The following NRP1 variants were observed in gnomAD, a reference collection of about 807,000 sequenced individuals.
The protein encoded by NRP1 is neuropilin-1.
In NRP1, 35 loss-of-function variants were observed where a neutral mutation model predicts 106.7. The ratio of observed to expected loss-of-function variants is 0.33; its 90% CI spans 0.25 to 0.43. NRP1 has a LOEUF of 0.43. Ranked by LOEUF, NRP1 falls within the 20% of genes least tolerant of loss-of-function variation. The pLI, the probability that NRP1 is intolerant of heterozygous loss-of-function variation, is 1.00. For synonymous variants in NRP1, 437 were observed against 417.9 expected (o/e 1.05, Z -0.56); for missense variants, 1,024 against 1,170.4 (o/e 0.87, Z 1.83).
chr10:33,331,886 T>C (rs1451172773), intron 1 of NRP1, among the ~76,000 whole-genome samples: 1 of 152,198 alleles, frequency 6.6e-6, no homozygotes, highest in African/African-American at 2.4e-5. Flanking sequence ...GCATAAACTA[T>C]ATAAGAGAAA....
At chr10:33,204,842 C>T (rs977985442) in intron 10 of NRP1, among the ~76,000 whole-genome samples, 1 of 152,134 alleles carries the variant, frequency 6.6e-6, no homozygotes, top group African/African-American at 2.4e-5. Context: ...AGAGATTCTC[C>T]TGCCTCAGCC....
intron 8 of NRP1, among the ~76,000 whole-genome samples, chr10:33,216,124 C>T (rs907209764): frequency 1.3e-5 from 2 of 150,332 alleles, no homozygotes; most frequent in African/African-American, 4.9e-5. Context: ...TCTGCATTTC[C>T]CTTCTTTCTT....
At chr10:33,187,060 A>G (rs776088985) in intron 13 of NRP1, among the ~76,000 whole-genome samples, 11 of 151,882 alleles carry the variant, frequency 7.2e-5, no homozygotes, top group South Asian at 2.1e-4. Context: ...TTAAGTAGAG[A>G]TAGAATCTTG....
rs922832315 is a variant in NRP1 at position 33,260,881 on chromosome 10, G to T, written c.658+2765C>A. ...GGTTAAAAGCCTTCCACGCCTTCTGGTTGTTGTTTTTGGAAAGGATATCAA... is the reference window on the plus strand; with the variant it reads ...GGTTAAAAGCCTTCCACGCCTTCTGTTTGTTGTTTTTGGAAAGGATATCAA... On this transcript the variant is annotated intron_variant, in intron 4 of 16. Coordinates refer to ENST00000374867, the MANE Select transcript of NRP1 (RefSeq NM_003873.7). 4.0e-5 allele frequency among the ~76,000 whole-genome samples: 6 copies of T among 151,230 alleles called. No individual in the cohort carries two copies. The East Asian group carries it at 9.8e-4, about 25-fold the overall frequency.
At chr10:33,218,904 C>T (rs1000628851) in intron 8 of NRP1, among the ~76,000 whole-genome samples, 1 of 152,172 alleles carries the variant, frequency 6.6e-6, no homozygotes, top group African/African-American at 2.4e-5. Flanking sequence ...ATGTTCCAGG[C>T]ATACAGGACA....
intron 12 of NRP1, among the ~76,000 whole-genome samples, chr10:33,195,051 T>TA (rs1199190818): frequency 6.6e-6 from 1 of 152,168 alleles, no homozygotes; most frequent in African/African-American, 2.4e-5. Context: ...ATTCTGAACT[T>TA]AAAACAAATT....
At chr10:33,193,188 G>T (rs1449102541) in intron 12 of NRP1, among the ~76,000 whole-genome samples, 1 of 151,784 alleles carries the variant, frequency 6.6e-6, no homozygotes, top group Non-Finnish European at 1.5e-5. Context: ...AAAAGACAGC[G>T]TGAATGAATT....
intron 6 of NRP1, among the ~76,000 whole-genome samples, chr10:33,236,972 T>C (rs1653884552): frequency 6.6e-6 from 1 of 152,120 alleles, no homozygotes; most frequent in Admixed American, 6.6e-5. Context: ...AAGACCTTTT[T>C]TTTCTTCTTT....
Position 33,207,714 on chromosome 10 carries a change from A to G in NRP1, c.1617T>C (p.Ser539=), listed in dbSNP as rs1225559225. 1 of 1,613,574 alleles carries G rather than the reference A, an allele frequency of 6.2e-7. No individual in the cohort carries two copies. The highest frequency in any genetic ancestry group is 8.5e-7 in the Non-Finnish European group (1 of 1,179,936). ...IMDDSKRKAK[S]FEGNNNYDTP... ...TATCATAGTTGTTGTTGCCCTCAAAAGACTGTGAAGCATGGAAAACACAGG... is the reference window on the plus strand; with the variant it reads ...TATCATAGTTGTTGTTGCCCTCAAAGGACTGTGAAGCATGGAAAACACAGG... The change falls in exon 10 of 17, where the codon TCT becomes TCC. Residue 539 remains serine, a splice_region_variant and synonymous_variant. Transcript: ENST00000374867.
At chr10:33,326,044 T>C (rs1285326655) in intron 2 of NRP1, among the ~76,000 whole-genome samples, 1 of 152,214 alleles carries the variant, frequency 6.6e-6, no homozygotes, top group Non-Finnish European at 1.5e-5. Context: ...TTTAACCCAA[T>C]GTCTGTGAAA....
At chr10:33,217,059 C>A (rs1442886649) in intron 8 of NRP1, among the ~76,000 whole-genome samples, 1 of 152,132 alleles carries the variant, frequency 6.6e-6, no homozygotes, top group African/African-American at 2.4e-5. Context: ...TACTAAGGGA[C>A]TATGAAACTG....
rs989014110 is a variant in NRP1 at position 33,318,963 on chromosome 10, C to T, written c.248+11745G>A. Among the ~76,000 whole-genome samples the T allele has an allele frequency of 2.7e-5, 4 of 149,730 alleles. 1 individual carries two copies. In the South Asian group the frequency reaches 6.4e-4, roughly 24 times the overall value. On this transcript the variant is annotated intron_variant, in intron 2 of 16. Transcript: ENST00000374867. Reference sequence around the variant, plus strand: ...TGAGAGGTGAAGCCAACTGGACTTCCGGGGTCGAGTGGGGACTTAGAGAAC... The same window carrying T: ...TGAGAGGTGAAGCCAACTGGACTTCTGGGGTCGAGTGGGGACTTAGAGAAC...
intron 2 of NRP1, among the ~76,000 whole-genome samples, chr10:33,301,496 C>A (rs1329869991): frequency 1.3e-5 from 2 of 152,134 alleles, no homozygotes; most frequent in African/African-American, 4.8e-5. Flanking sequence ...AACACTGAAC[C>A]ATCTGGTAAC....
Position 33,179,764 on chromosome 10 carries a change from G to T in NRP1, c.*312C>A, listed in dbSNP as rs778549499. 4 of 295,190 alleles carry T rather than the reference G, an allele frequency of 1.4e-5. No homozygotes were observed. The highest frequency in any genetic ancestry group is 1.9e-5 in the Non-Finnish European group (3 of 157,180). 18.3% of individuals were successfully genotyped at this position (295,190 alleles called of 1,614,324 possible). A position where few individuals can be genotyped will look rare whatever the true frequency, so the allele number is the denominator to read the frequency against. On this transcript the variant is annotated 3_prime_UTR_variant, in exon 17 of 17. Transcript: ENST00000374867. ...GTTTCCAAAAAGAATCCACAAAGGG[G>T]AGAGGAGAGAGAGAGAGAGGGGCAG...
At chr10:33,302,141 C>T (rs151028542) in intron 2 of NRP1, among the ~76,000 whole-genome samples, 10 of 152,212 alleles carry the variant, frequency 6.6e-5, no homozygotes, top group Admixed American at 6.5e-5. Flanking sequence ...ACAACGGAAA[C>T]GCAACTGAAG....
chr10:33,309,950 CTTTT>C (rs35907466), intron 2 of NRP1, among the ~76,000 whole-genome samples: 1 of 139,548 alleles, frequency 7.2e-6, no homozygotes, highest in African/African-American at 2.6e-5. Flanking sequence ...CTGTATTTGC[CTTTT>C]TTTTTTTTTT....
At position 33,178,542 on chromosome 10, in the gene NRP1, G is replaced by A. The variant is rs1427114588; in HGVS notation, c.*1534C>T. 1 of 152,134 alleles carries A rather than the reference G, an allele frequency of 6.6e-6. No individual in the cohort carries two copies. Among genetic ancestry groups the A allele is most frequent in the East Asian group, 1.9e-4 (1 of 5,200 alleles). The allele number at this position is 152,134 out of a possible 1,614,324, so 9.4% of individuals were successfully genotyped here. A position where few individuals can be genotyped will look rare whatever the true frequency, so the allele number is the denominator to read the frequency against. ...AAAATACTTGACCCCCAGGCATCAG[G>A]ATTTATAGTTTCATTCTTAAATTAA... On this transcript the variant is annotated 3_prime_UTR_variant, in exon 17 of 17. Coordinates refer to ENST00000374867, the MANE Select transcript of NRP1 (RefSeq NM_003873.7).
intron 3 of NRP1, among the ~76,000 whole-genome samples, chr10:33,269,566 T>G (rs1285267343): frequency 6.6e-6 from 1 of 152,224 alleles, no homozygotes; most frequent in African/African-American, 2.4e-5. Flanking sequence ...ATGGAGTGTA[T>G]ACCTTATAAC....
At chr10:33,329,741 G>A (rs2132960802) in intron 2 of NRP1, among the ~76,000 whole-genome samples, 1 of 152,160 alleles carries the variant, frequency 6.6e-6, no homozygotes, top group South Asian at 2.1e-4. Context: ...TCAGGTTCAA[G>A]TCTCTGGAGA....
Sources: gnomAD v4.1 joint callset for allele counts (sites outside exome capture counted in the v4.1 genomes callset) on GRCh38, gnomAD v4.1.1 for gene constraint, MANE v1.5 for transcripts, NCBI Gene and HGNC (gene_info 2026-07-23, HGNC 2026-07-21) for gene names.